The following MYOZ3 variants were observed in gnomAD, a reference collection of about 807,000 sequenced individuals.
MYOZ3 encodes myozenin 3.
Under a neutral mutation model 26.5 loss-of-function variants are expected in MYOZ3, and 19 were observed. The observed-to-expected ratio is 0.72, with a 90% CI of 0.50 to 1.05. The LOEUF (loss-of-function observed/expected upper bound fraction) is 1.05. MYOZ3 is among the 50% of genes least tolerant of loss of function. MYOZ3 has a pLI of 0.00. For synonymous variants in MYOZ3, 135 were observed against 138.8 expected, an observed-to-expected ratio of 0.97 and a Z score of 0.19; for missense variants, 322 against 337.1, an observed-to-expected ratio of 0.96 and a Z score of 0.35.
At position 150,672,600 on chromosome 5, in the gene MYOZ3, G is replaced by A. The variant is rs147774918; in HGVS notation, c.587+98G>A. On this transcript the variant is annotated intron_variant, in intron 6 of 6. Coordinates refer to ENST00000517768, the MANE Select transcript of MYOZ3 (RefSeq NM_001122853.3). ...TGCGTTTCCTGAGCACTTTCTGCAG[G>A]CCAGGCTCTGTCCCCAGCGCTTTCT... The A allele has an allele frequency of 4.8e-3, 6,677 of 1,382,804 alleles. 18 individuals carry two copies. Among genetic ancestry groups the A allele is most frequent in the Admixed American group, 6.0e-3 (215 of 35,928 alleles). The allele number at this position is 1,382,804 out of a possible 1,614,324, so 85.7% of individuals were successfully genotyped here.
intron 5 of MYOZ3, 30 bp downstream of exon 5, chr5:150,671,938 G>C (rs1165334619): frequency 6.7e-7 from 1 of 1,491,026 alleles, no homozygotes; most frequent in Non-Finnish European, 8.9e-7. Flanking sequence ...CCCGGGACCA[G>C]GGCTGGGGGG....
chr5:150,672,268 G>C (rs774317204), intron 5 of MYOZ3, 72 bp from the exon 6 acceptor site: 138 of 1,545,556 alleles, frequency 8.9e-5, no homozygotes, highest in Non-Finnish European at 1.2e-4. Context: ...CCGCGGAATG[G>C]GGGTGGGGCG....
intron 5 of MYOZ3, 147 bp downstream of exon 5, chr5:150,672,055 A>C: frequency 7.8e-7 from 1 of 1,284,658 alleles, no homozygotes; most frequent in Non-Finnish European, 1.1e-6. Context: ...TCGCCAGACC[A>C]CGAGCCGGAG....
In MYOZ3 at chr5:150,670,482, A is replaced by C. The variant is rs1758885097; in HGVS notation, c.62-2A>C. The C allele has an allele frequency of 6.2e-7, 1 of 1,606,476 alleles. No homozygotes were observed. Among genetic ancestry groups the C allele is most frequent in the Non-Finnish European group, 8.5e-7 (1 of 1,175,500 alleles). On this transcript the variant is annotated splice_acceptor_variant, in intron 2 of 6. Coordinates refer to ENST00000517768, the MANE Select transcript of MYOZ3 (RefSeq NM_001122853.3). LOFTEE classifies it high-confidence loss of function. The stretch of plus-strand genomic sequence containing the variant: ...AGAGCCCGCTCTGGCCTTTCCTGGC[A>C]GTCCCTACGCTGGACCTGGGCAAGA...
chr5:150,675,217 G>A (rs1216951202), intron 6 of MYOZ3, among the ~76,000 whole-genome samples: 1 of 135,492 alleles, frequency 7.4e-6, no homozygotes, highest in African/African-American at 3.8e-5. Context: ...CCTGTAGGGG[G>A]AATGGCGTTT....
intron 2 of MYOZ3, among the ~76,000 whole-genome samples, chr5:150,663,821 T>TC (rs1025176999): frequency 1.3e-5 from 2 of 150,036 alleles, no homozygotes; most frequent in African/African-American, 4.9e-5. Context: ...ATGGTGAGAC[T>TC]CCATCTCTAC....
intron 3 of MYOZ3, chr5:150,670,998 T>C: frequency 6.0e-6 from 1 of 167,738 alleles, no homozygotes. Flanking sequence ...AAATGTAGAA[T>C]GCCCTTTTTT....
chr5:150,672,477 C>T lies in MYOZ3; in HGVS notation c.562C>T (p.Pro188Ser), dbSNP rs772746104. Residue 188 changes from proline (P) to serine (S), a missense_variant, in exon 6 of 7, where the codon CCC becomes TCC. Coordinates refer to ENST00000517768, the MANE Select transcript of MYOZ3 (RefSeq NM_001122853.3). ...CGATGGCCGAAGTCACACCCCCAGC[C>T]CCAACGACTACCGAAATTTCAACAA... ...QSDGRSHTPS[P>S]NDYRNFNKTP... 6.3e-7 allele frequency: 1 copy of T among 1,581,506 alleles called. No homozygotes were observed. Among genetic ancestry groups the T allele is most frequent in the East Asian group, 2.3e-5 (1 of 44,368 alleles).
intron 2 of MYOZ3, 117 bp from the exon 3 acceptor site, chr5:150,670,367 C>A: frequency 8.4e-7 from 1 of 1,192,584 alleles, no homozygotes; most frequent in Non-Finnish European, 1.1e-6. Flanking sequence ...CACCCGGTGT[C>A]GGCAAGCTTG....
At chr5:150,674,925 G>A (rs914928992) in intron 6 of MYOZ3, among the ~76,000 whole-genome samples, 2 of 152,120 alleles carry the variant, frequency 1.3e-5, no homozygotes, top group African/African-American at 2.4e-5. Flanking sequence ...TGGGAGAATC[G>A]CTTGAACCTG....
At chr5:150,664,810 C>T (rs1055841374) in intron 2 of MYOZ3, among the ~76,000 whole-genome samples, 39 of 152,198 alleles carry the variant, frequency 2.6e-4, no homozygotes, top group African/African-American at 9.4e-4. Context: ...AAAAAAAATT[C>T]ACTTGCCATT....
At chr5:150,672,825 A>C in intron 6 of MYOZ3, 1 of 292,852 alleles carries the variant, frequency 3.4e-6, no homozygotes. Context: ...AAGCCACAAA[A>C]CAAGGAAGCA....
intron 6 of MYOZ3, chr5:150,673,305 G>C (rs747989897): frequency 2.0e-5 from 3 of 152,114 alleles, no homozygotes; most frequent in Non-Finnish European, 1.5e-5. Context: ...TGGCAAGTAA[G>C]ACACTTGCAA....
chr5:150,661,538 G>A (rs1207406896), intron 1 of MYOZ3, 111 bp downstream of exon 1: 1 of 152,246 alleles, frequency 6.6e-6, no homozygotes, highest in African/African-American at 2.4e-5. Flanking sequence ...TGGATCTAGG[G>A]AGTTTGGGGC....
At position 150,672,077 on chromosome 5, in the gene MYOZ3, C is replaced by T. The variant is rs1267969147; in HGVS notation, c.424+169C>T. ...ACCACGAGCCGGAGGGGCGCCGCGC[C>T]CCAGGTCACACAGCGAGTCAGCCAA... On this transcript the variant is annotated intron_variant, in intron 5 of 6. Transcript: ENST00000517768. 6.0e-6 allele frequency: 7 copies of T among 1,175,758 alleles called. No individual in the cohort carries two copies. In the East Asian group the frequency reaches 7.7e-5, roughly 13 times the overall value. The allele number at this position is 1,175,758 out of a possible 1,614,324, so 72.8% of individuals were successfully genotyped here. A position where few individuals can be genotyped will look rare whatever the true frequency, so the allele number is the denominator to read the frequency against.
rs61577179 is a variant in MYOZ3, at chr5:150,670,886, C to CA, written c.216+271dup. Reference sequence around the variant, plus strand: ...GGAGTGAAGGGACTCTGGCTCCTACCAAAAAAAAAAAAAAAAAAAAAAAGC... The same window carrying CA: ...GGAGTGAAGGGACTCTGGCTCCTACCAAAAAAAAAAAAAAAAAAAAAAAAGC... On this transcript the variant is annotated intron_variant, in intron 3 of 6. Coordinates refer to ENST00000517768, the MANE Select transcript of MYOZ3 (RefSeq NM_001122853.3). The CA allele has an allele frequency of 9.3e-4, 63 of 67,764 alleles. 2 individuals are homozygous for CA. The highest frequency in any genetic ancestry group is 9.9e-4 in the Non-Finnish European group (36 of 36,282). 4.2% of individuals were successfully genotyped at this position (67,764 alleles called of 1,614,324 possible).
intron 2 of MYOZ3, among the ~76,000 whole-genome samples, chr5:150,666,701 C>G (rs1005082041): frequency 6.8e-6 from 1 of 147,894 alleles, no homozygotes; most frequent in African/African-American, 2.5e-5. Flanking sequence ...TAAATGGGAT[C>G]TTAGAATACC....
Position 150,672,511 on chromosome 5 carries a change from G to A in MYOZ3, c.587+9G>A. ...TACCGAAATTTCAACAAGTAAGGCG[G>A]GGCGGGCAGCCCGGGGGACAGACCG... On this transcript the variant is annotated intron_variant, in intron 6 of 6. Transcript: ENST00000517768. 6.4e-7 allele frequency: 1 copy of A among 1,555,108 alleles called. No homozygotes were observed. Among genetic ancestry groups the A allele is most frequent in the African/African-American group, 1.4e-5 (1 of 70,328 alleles).
rs1344602209 is a variant in MYOZ3, at chr5:150,672,369, C to A, written c.454C>A (p.Pro152Thr). Residue 152 changes from proline (P) to threonine (T), a missense_variant, in exon 6 of 7, where the codon CCA becomes ACA. Physicochemically the swap from Pro to Thr is conservative, Grantham distance 38. Transcript: ENST00000517768. The part of the protein sequence containing the change: ...GYAEPLKGVP[P>T]EKFNHTAISK... ...TGCGGAGCCGCTGAAGGGCGTCCCG[C>A]CAGAGAAGTTCAACCACACCGCCAT... The A allele has an allele frequency of 9.9e-6, 16 of 1,611,696 alleles. No individual in the cohort carries two copies. Among genetic ancestry groups the A allele is most frequent in the Non-Finnish European group, 1.3e-5 (15 of 1,179,246 alleles).
Sources: gnomAD v4.1 joint callset for allele counts (sites outside exome capture counted in the v4.1 genomes callset) on GRCh38, gnomAD v4.1.1 for gene constraint, MANE v1.5 for transcripts, NCBI Gene and HGNC (gene_info 2026-07-23, HGNC 2026-07-21) for gene names.